Variants in CXCR2 observed in about 807,000 individuals in gnomAD.
CXCR2 encodes the protein C-X-C chemokine receptor type 2.
A neutral mutation model predicts 3.7 loss-of-function variants in CXCR2; 2 were observed. That is an observed-to-expected ratio of 0.55 (90% CI 0.22 to 1.72). The LOEUF is 1.72. CXCR2 is among the 40% of genes most tolerant of loss of function. The probability of loss-of-function intolerance (pLI) is 0.19; values close to 1 mark genes in which losing one functional copy is unlikely to be tolerated. For missense variants in CXCR2, 351 were observed against 450.1 expected, an observed-to-expected ratio of 0.78 and a Z score of 1.99; for synonymous variants, 203 against 193.3, an observed-to-expected ratio of 1.05 and a Z score of -0.41.
chr2:218,134,910 G>A lies in CXCR2; in HGVS notation c.109G>A (p.Ala37Thr), dbSNP rs75759064. ...STLPPFLLDA[A>T]PCEPESLEIN... ...CCTGCCCCCTTTTCTACTAGATGCC[G>A]CCCCATGTGAACCAGAATCCCTGGA... is the stretch of plus-strand genomic sequence containing the variant. Residue 37 changes from alanine (A) to threonine (T), a missense_variant, in exon 3 of 3, where the codon GCC becomes ACC. By Grantham distance (58) the Ala-to-Thr change is moderately conservative. Transcript: ENST00000318507. 160 of 1,614,034 alleles carry A rather than the reference G, an allele frequency of 9.9e-5. No homozygotes were observed. The highest frequency in any genetic ancestry group is 1.3e-4 in the African/African-American group (10 of 74,972).
chr2:218,132,738 G>A (rs1007417880), intron 2 of CXCR2, among the ~76,000 whole-genome samples: 1 of 152,180 alleles, frequency 6.6e-6, no homozygotes, highest in Non-Finnish European at 1.5e-5. Context: ...TTTGTGATGT[G>A]TCATTGACCA....
Position 218,135,529 on chromosome 2 carries a change from T to C in CXCR2, c.728T>C (p.Met243Thr), listed in dbSNP as rs773802111. 1 of 1,614,166 alleles carries C rather than the reference T, an allele frequency of 6.2e-7. No individual in the cohort carries two copies. Among genetic ancestry groups the C allele is most frequent in the East Asian group, 2.2e-5 (1 of 44,878 alleles). ...CTGCGTACGCTGTTTAAGGCCCACA[T>C]GGGGCAGAAGCACCGGGCCATGCGG... Reference protein sequence around the residue: ...FTLRTLFKAHMGQKHRAMRVI... With the variant: ...FTLRTLFKAHTGQKHRAMRVI... The change falls in exon 3 of 3, where the codon ATG becomes ACG. Residue 243 changes from methionine to threonine, a missense_variant. By Grantham distance (81) the Met-to-Thr change is moderately conservative (BLOSUM62 -1). Transcript: ENST00000318507. This position sits in a 1 kb window ranked among gnomAD's most constrained non-coding sequence, Gnocchi z 4.0.
At chr2:218,129,521 C>T (rs552895452) in intron 2 of CXCR2, among the ~76,000 whole-genome samples, 156 bp downstream of exon 2, 6 of 152,112 alleles carry the variant, frequency 3.9e-5, no homozygotes, top group Non-Finnish European at 8.8e-5. Flanking sequence ...CCCTTTGGGG[C>T]TCTCCATCCC....
Position 218,135,336 on chromosome 2 carries a change from C to A in CXCR2, c.535C>A (p.Pro179Thr), listed in dbSNP as rs1202829642. 6.2e-7 allele frequency: 1 copy of A among 1,614,194 alleles called. No individual in the cohort carries two copies. The highest frequency in any genetic ancestry group is 8.5e-7 in the Non-Finnish European group (1 of 1,180,032). Residue 179 changes from proline (P) to threonine (T), a missense_variant, in exon 3 of 3, where the codon CCT (proline) becomes ACT (threonine). By Grantham distance (38) the Pro-to-Thr change is conservative (BLOSUM62 -1). Transcript: ENST00000318507. This position sits in a 1 kb window ranked among gnomAD's most constrained non-coding sequence, Gnocchi z 4.0. Reference protein sequence around the residue: ...IWGLSLLLALPVLLFRRTVYS... With the variant: ...IWGLSLLLALTVLLFRRTVYS... Reference sequence around the variant, plus strand: ...GGGTCTGTCCTTGCTCCTGGCCCTGCCTGTCTTACTTTTCCGAAGGACCGT... The same window carrying A: ...GGGTCTGTCCTTGCTCCTGGCCCTGACTGTCTTACTTTTCCGAAGGACCGT...
chr2:218,135,673 A>G lies in CXCR2; in HGVS notation c.872A>G (p.His291Arg). Residue 291 changes from histidine (H) to arginine (R), a missense_variant, in exon 3 of 3, where the codon CAC becomes CGC. His to Arg is a conservative substitution (Grantham distance 29). Transcript: ENST00000318507. The surrounding 1 kb of genome is among the most constrained non-coding windows in gnomAD (Gnocchi z 4.0). ...VIQETCERRN[H>R]IDRALDATEI... is the part of the protein sequence containing the mutation. ...CAGGAGACCTGTGAGCGCCGCAATC[A>G]CATCGACCGGGCTCTGGATGCCACC... 4 of 1,614,150 alleles carry G rather than the reference A, an allele frequency of 2.5e-6. No homozygotes were observed. The highest frequency in any genetic ancestry group is 2.5e-6 in the Non-Finnish European group (3 of 1,180,016).
At chr2:218,134,746 T>C (rs199786295) in intron 2 of CXCR2, 31 bp from the exon 3 acceptor site, 62 of 1,549,148 alleles carry the variant, frequency 4.0e-5, no homozygotes, top group Non-Finnish European at 1.0e-5. Context: ...GGGGAATTTA[T>C]TATGCAGTAA....
intron 1 of CXCR2, among the ~76,000 whole-genome samples, chr2:218,128,063 A>C (rs1292188530): frequency 6.6e-6 from 1 of 152,220 alleles, no homozygotes; most frequent in East Asian, 1.9e-4. Flanking sequence ...CGTGATTTAC[A>C]AGCAATCCCT....
In CXCR2 at chr2:218,134,768, C is replaced by G. The variant is rs781320177; in HGVS notation, c.-25-9C>G. On this transcript the variant is annotated splice_polypyrimidine_tract_variant and intron_variant, in intron 2 of 2. Transcript: ENST00000318507. ...TTATTATGCAGTAACCTTCATCTCT[C>G]TTCTATAGGTCAGGATTTAAGTTTA... 8 of 1,594,938 alleles carry G rather than the reference C, an allele frequency of 5.0e-6. No individual in the cohort carries two copies. In the Admixed American group the frequency reaches 1.2e-4, roughly 24 times the overall value.
At position 218,135,036 on chromosome 2, in the gene CXCR2, G is replaced by A. The variant is rs149364972; in HGVS notation, c.235G>A (p.Gly79Ser). ...VMLVILYSRV[G>S]RSVTDVYLLN... ...GCTGGTCATCTTATACAGCAGGGTC[G>A]GCCGCTCCGTCACTGATGTCTACCT... The change falls in exon 3 of 3, where the codon GGC becomes AGC. Residue 79 changes from glycine (G) to serine (S), a missense_variant. Transcript: ENST00000318507. The surrounding 1 kb of genome is among the most constrained non-coding windows in gnomAD (Gnocchi z 4.0). The A allele has an allele frequency of 2.2e-4, 356 of 1,614,192 alleles. 3 individuals carry two copies. The African/African-American group carries it at 3.9e-3, about 18-fold the overall frequency.
At chr2:218,133,331 G>T (rs372297804) in intron 2 of CXCR2, among the ~76,000 whole-genome samples, 4 of 122,552 alleles carry the variant, frequency 3.3e-5, no homozygotes, top group African/African-American at 9.7e-5. Context: ...GCAGAGTCTC[G>T]CTCTGTTGCC....
chr2:218,128,531 T>C (rs1003431788), intron 1 of CXCR2, among the ~76,000 whole-genome samples: 1 of 152,236 alleles, frequency 6.6e-6, no homozygotes, highest in Non-Finnish European at 1.5e-5. Context: ...CATTCATTTG[T>C]AATCAATAGC....
intron 2 of CXCR2, among the ~76,000 whole-genome samples, chr2:218,131,526 G>A (rs1690645922): frequency 6.8e-6 from 1 of 146,708 alleles, no homozygotes; most frequent in Admixed American, 6.9e-5. Context: ...CTGGAGTGCA[G>A]TGGCGCCATC....
intron 2 of CXCR2, among the ~76,000 whole-genome samples, chr2:218,129,982 C>T (rs989702628): frequency 1.3e-5 from 2 of 152,156 alleles, no homozygotes; most frequent in Non-Finnish European, 2.9e-5. Context: ...TCAGCCGGAC[C>T]CAGCCAGTTC....
At position 218,135,405 on chromosome 2, in the gene CXCR2, A is replaced by G. The variant is rs756239407; in HGVS notation, c.604A>G (p.Asn202Asp). ...VSPACYEDMG[N>D]NTANWRMLLR... is the part of the protein sequence containing the mutation. ...CCCAGCCTGCTATGAGGACATGGGC[A>G]ACAATACAGCAAACTGGCGGATGCT... The change falls in exon 3 of 3, where the codon AAC becomes GAC. Residue 202 changes from asparagine (N) to aspartate (D), a missense_variant. Coordinates refer to ENST00000318507, the MANE Select transcript of CXCR2 (RefSeq NM_001557.4). The surrounding 1 kb of genome is among the most constrained non-coding windows in gnomAD (Gnocchi z 4.0). 1 of 1,614,224 alleles carries G rather than the reference A, an allele frequency of 6.2e-7. No homozygotes were observed. Among genetic ancestry groups the G allele is most frequent in the Non-Finnish European group, 8.5e-7 (1 of 1,180,040 alleles).
In CXCR2 at chr2:218,136,174, G is replaced by A. The variant is rs1690799119; in HGVS notation, c.*290G>A. On this transcript the variant is annotated 3_prime_UTR_variant, in exon 3 of 3. Transcript: ENST00000318507. ...CTAAGAAGTGAAAATCTACACTCCA[G>A]TGAGACAGCTCTGCATACTCATTAG... The A allele has an allele frequency of 2.6e-6, 1 of 381,530 alleles. No individual in the cohort carries two copies. The highest frequency in any genetic ancestry group is 4.9e-6 in the Non-Finnish European group (1 of 202,518). 23.6% of individuals were successfully genotyped at this position (381,530 alleles called of 1,614,324 possible).
In CXCR2 at chr2:218,137,216, CT is replaced by C. The variant is rs1274295144; in HGVS notation, c.*1340del. The C allele has an allele frequency of 1.2e-5, 2 of 166,972 alleles. No homozygotes were observed. The highest frequency in any genetic ancestry group is 2.4e-5 in the African/African-American group (1 of 41,370). The allele number at this position is 166,972 out of a possible 1,614,324, so 10.3% of individuals were successfully genotyped here. A position where few individuals can be genotyped will look rare whatever the true frequency, so the allele number is the denominator to read the frequency against. On this transcript the variant is annotated 3_prime_UTR_variant, in exon 3 of 3. Transcript: ENST00000318507. ...TTTGTTAAATGATTTCATTCAATAT[CT>C]TTTTTTTAATAAACCATTTTTACTT...
At position 218,136,135 on chromosome 2, in the gene CXCR2, TGGCAC is replaced by T; in HGVS notation, c.*252_*256del. The T allele has an allele frequency of 7.4e-5, 37 of 500,818 alleles. No homozygotes were observed. The highest frequency in any genetic ancestry group is 3.0e-4 in the South Asian group (9 of 30,300). The allele number at this position is 500,818 out of a possible 1,614,324, so 31.0% of individuals were successfully genotyped here. A position where few individuals can be genotyped will look rare whatever the true frequency, so the allele number is the denominator to read the frequency against. Reference sequence around the variant, plus strand: ...TCTGCCCATCCTGCCCCTGAGCCCATGGCACTCTATGTTCTAAGAAGTGAAAATCT... The same window carrying T: ...TCTGCCCATCCTGCCCCTGAGCCCATTCTATGTTCTAAGAAGTGAAAATCT... On this transcript the variant is annotated 3_prime_UTR_variant, in exon 3 of 3. Transcript: ENST00000318507.
Position 218,134,868 on chromosome 2 carries a change from TAC to T in CXCR2, c.69_70del (p.Tyr23Ter). On this transcript the variant is annotated frameshift_variant, in exon 3 of 3. Coordinates refer to ENST00000318507, the MANE Select transcript of CXCR2 (RefSeq NM_001557.4). LOFTEE classifies it low-confidence loss of function (END_TRUNC). ...CTGGAAAGGTGAAGATCTTAGTAAT[TAC>T]AGTTACAGCTCTACCCTGCCCCCTT... ...DFWKGEDLSN[Y>X]SYSSTLPPFL... The T allele has an allele frequency of 1.2e-6, 2 of 1,614,138 alleles. No individual in the cohort carries two copies. The highest frequency in any genetic ancestry group is 1.7e-6 in the Non-Finnish European group (2 of 1,180,014).
chr2:218,126,913 C>T (rs955994066), intron 1 of CXCR2, among the ~76,000 whole-genome samples: 11 of 152,206 alleles, frequency 7.2e-5, no homozygotes, highest in South Asian at 6.2e-4. Context: ...TGGGCTCAAG[C>T]GATCCGCCCA....
Sources: allele counts gnomAD v4.1 joint callset (sites outside exome capture counted in the v4.1 genomes callset), GRCh38; gene constraint gnomAD v4.1.1; non-coding constraint Gnocchi (gnomAD v3.1); transcripts MANE v1.5; gene names NCBI Gene and HGNC (gene_info 2026-07-23, HGNC 2026-07-21).